The following ANKRD44 variants were observed in gnomAD, a reference collection of about 807,000 sequenced individuals.
ANKRD44 encodes the protein serine/threonine-protein phosphatase 6 regulatory ankyrin repeat subunit B.
In ANKRD44, 35 loss-of-function variants were observed where a neutral mutation model predicts 116.0. The observed-to-expected ratio is 0.30, with a 90% CI of 0.23 to 0.40. The LOEUF (loss-of-function observed/expected upper bound fraction) is 0.40, where lower values mean the gene tolerates loss of function less well. Ranked by LOEUF, ANKRD44 falls within the 10% of genes least tolerant of loss-of-function variation. The pLI is 1.00. For missense variants in ANKRD44, 1,014 were observed against 1,242.6 expected (o/e 0.82, Z 2.77); for synonymous variants, 435 against 461.8 (o/e 0.94, Z 0.74).
intron 2 of ANKRD44, among the ~76,000 whole-genome samples, chr2:197,149,809 G>A (rs1350427638): frequency 6.6e-6 from 1 of 152,178 alleles, no homozygotes; most frequent in Non-Finnish European, 1.5e-5. Flanking sequence ...AGAGAAATCA[G>A]CCAGGAGGTA....
intron 16 of ANKRD44, among the ~76,000 whole-genome samples, chr2:197,025,682 G>A (rs1029279457): frequency 1.1e-4 from 16 of 152,234 alleles, no homozygotes; most frequent in African/African-American, 3.9e-4. Flanking sequence ...AATGATCTGT[G>A]CTGTAATGAG....
chr2:197,296,539 A>T (rs549676321), intron 1 of ANKRD44: 8 of 152,360 alleles, frequency 5.3e-5, no homozygotes, highest in Middle Eastern at 3.4e-3. Context: ...AGAAACTAAC[A>T]GTCAATCTCC....
intron 2 of ANKRD44, among the ~76,000 whole-genome samples, chr2:197,177,108 A>G (rs1377110734): frequency 1.3e-5 from 2 of 152,196 alleles, no homozygotes; most frequent in Admixed American, 6.5e-5. Flanking sequence ...TTTTAAGAAT[A>G]ATCTGGGTAT....
At chr2:197,147,429 A>T (rs201335819) in intron 2 of ANKRD44, among the ~76,000 whole-genome samples, 1 of 6,808 alleles carries the variant, frequency 1.5e-4, no homozygotes, top group African/African-American at 1.9e-4. Flanking sequence ...CAGGATGGTT[A>T]AAAAAAAAAA....
chr2:197,263,279 C>A, intron 1 of ANKRD44: 1 of 614,368 alleles, frequency 1.6e-6, no homozygotes. Flanking sequence ...TGTCCCTGGC[C>A]GCAGCTTGGA....
chr2:197,247,081 T>A (rs141536599), intron 1 of ANKRD44, among the ~76,000 whole-genome samples: 19 of 152,274 alleles, frequency 1.2e-4, no homozygotes, highest in Admixed American at 1.1e-3. Flanking sequence ...TTAATATGGG[T>A]TGACTGAATG....
chr2:197,214,910 C>T (rs1349962391), intron 1 of ANKRD44, among the ~76,000 whole-genome samples: 3 of 152,156 alleles, frequency 2.0e-5, no homozygotes, highest in Non-Finnish European at 2.9e-5. Context: ...CAGAGTCTCA[C>T]TCTGTCACCC....
chr2:197,292,296 G>T (rs923322575), intron 1 of ANKRD44, among the ~76,000 whole-genome samples: 1 of 152,182 alleles, frequency 6.6e-6, no homozygotes, highest in African/African-American at 2.4e-5. Flanking sequence ...CACCAACAGT[G>T]TAAAAGCATT....
intron 10 of ANKRD44, among the ~76,000 whole-genome samples, chr2:197,097,898 C>G (rs1264927463): frequency 2.0e-5 from 3 of 152,268 alleles, no homozygotes; most frequent in African/African-American, 4.8e-5. Flanking sequence ...GCTCTTCCAG[C>G]CTTTCCTCCT....
At chr2:197,053,918 G>A (rs1417103668) in intron 16 of ANKRD44, among the ~76,000 whole-genome samples, 1 of 152,148 alleles carries the variant, frequency 6.6e-6, no homozygotes, top group African/African-American at 2.4e-5. Flanking sequence ...TTGCTAATGG[G>A]TAACATGTTA....
At chr2:196,971,103 T>A (rs1367818199) in intron 21 of ANKRD44, among the ~76,000 whole-genome samples, 1 of 152,206 alleles carries the variant, frequency 6.6e-6, no homozygotes, top group Non-Finnish European at 1.5e-5. Context: ...AATTCTACAT[T>A]TTATATTTTC....
At chr2:197,172,676 TG>T (rs1187284845) in intron 2 of ANKRD44, among the ~76,000 whole-genome samples, 1 of 152,194 alleles carries the variant, frequency 6.6e-6, no homozygotes, top group Non-Finnish European at 1.5e-5. Context: ...GCAATTCTTA[TG>T]CCTCAGCCTC....
At chr2:197,175,554 G>A (rs1336840477) in intron 2 of ANKRD44, among the ~76,000 whole-genome samples, 1 of 152,136 alleles carries the variant, frequency 6.6e-6, no homozygotes, top group Non-Finnish European at 1.5e-5. Context: ...GTATGTACTA[G>A]TGTCACCCTT....
chr2:197,127,695 G>A (rs2079007551), intron 4 of ANKRD44, among the ~76,000 whole-genome samples: 1 of 152,018 alleles, frequency 6.6e-6, no homozygotes, highest in Admixed American at 6.6e-5. Flanking sequence ...AAGTTCCAGG[G>A]TACATGTGCA....
chr2:197,272,523 A>G (rs1490746415), intron 1 of ANKRD44, among the ~76,000 whole-genome samples: 1 of 152,210 alleles, frequency 6.6e-6, no homozygotes, highest in Non-Finnish European at 1.5e-5. Context: ...GGCGTGAGCC[A>G]ATGCGCCTGG....
At chr2:197,273,980 A>AAAAAAAT (rs1553546147) in intron 1 of ANKRD44, among the ~76,000 whole-genome samples, 4 of 43,936 alleles carry the variant, frequency 9.1e-5, no homozygotes, top group African/African-American at 3.1e-4. Flanking sequence ...AAAAAAAAAA[A>AAAAAAAT]ATATATATAT....
intron 16 of ANKRD44, among the ~76,000 whole-genome samples, chr2:197,068,572 C>T (rs1246185607): frequency 6.6e-6 from 1 of 151,762 alleles, no homozygotes. Context: ...CATCTAAGGG[C>T]TAATATCCAG....
At chr2:197,229,066 G>T (rs1288728311) in intron 1 of ANKRD44, among the ~76,000 whole-genome samples, 2 of 152,206 alleles carry the variant, frequency 1.3e-5, no homozygotes, top group Non-Finnish European at 2.9e-5. Flanking sequence ...TACCTGAAAT[G>T]TGGAGTTATG....
intron 1 of ANKRD44, among the ~76,000 whole-genome samples, chr2:197,303,635 T>C (rs577329418): frequency 5.8e-4 from 89 of 152,300 alleles, no homozygotes; most frequent in African/African-American, 2.1e-3. Flanking sequence ...TAGAAAGCTA[T>C]GCTTGGATGC....
Sources: gnomAD v4.1 joint callset for allele counts (sites outside exome capture counted in the v4.1 genomes callset) on GRCh38, gnomAD v4.1.1 for gene constraint, MANE v1.5 for transcripts, NCBI Gene and HGNC (gene_info 2026-07-23, HGNC 2026-07-21) for gene names.